The following ADTRP variants were observed in gnomAD, a reference collection of about 807,000 sequenced individuals.
ADTRP encodes the protein androgen-dependent TFPI-regulating protein.
In ADTRP, 20 loss-of-function variants were observed where a neutral mutation model predicts 27.0. That is an observed-to-expected ratio of 0.74 (90% CI 0.52 to 1.08). ADTRP has a LOEUF of 1.08. Among genes scored for constraint, ADTRP ranks in the 50% least tolerant of loss-of-function variants. The pLI is 0.00. For missense variants in ADTRP, 251 were observed against 275.0 expected, an observed-to-expected ratio of 0.91 and a Z score of 0.62; for synonymous variants, 101 against 105.2, an observed-to-expected ratio of 0.96 and a Z score of 0.25.
chr6:11,765,957 C>T (rs1016529543), intron 3 of ADTRP, among the ~76,000 whole-genome samples: 3 of 152,000 alleles, frequency 2.0e-5, no homozygotes, highest in South Asian at 2.1e-4. Flanking sequence ...ATCCACACAT[C>T]GGAAGTTTAT....
Position 11,714,213 on chromosome 6 carries a change from A to G in ADTRP, c.*265T>C, listed in dbSNP as rs1761734537. Reference sequence around the variant, plus strand: ...GAGTTTCTTTGGCCAGATTTTAACCAGAGACCATCCTCCACGAAGGTCAAA... The same window carrying G: ...GAGTTTCTTTGGCCAGATTTTAACCGGAGACCATCCTCCACGAAGGTCAAA... On this transcript the variant is annotated 3_prime_UTR_variant, in exon 6 of 6. Transcript: ENST00000414691. 3 of 444,202 alleles carry G rather than the reference A, an allele frequency of 6.8e-6. No homozygotes were observed. In the Admixed American group the frequency reaches 1.2e-4, roughly 17 times the overall value. 27.5% of individuals were successfully genotyped at this position (444,202 alleles called of 1,614,324 possible). A position where few individuals can be genotyped will look rare whatever the true frequency, so the allele number is the denominator to read the frequency against.
At chr6:11,757,715 T>C (rs532145139) in intron 3 of ADTRP, among the ~76,000 whole-genome samples, 1 of 152,284 alleles carries the variant, frequency 6.6e-6, no homozygotes, top group African/African-American at 2.4e-5. Context: ...GGAAATGTCA[T>C]GTGATGACAG....
chr6:11,732,179 C>A (rs557352120), intron 4 of ADTRP, among the ~76,000 whole-genome samples: 1 of 152,150 alleles, frequency 6.6e-6, no homozygotes, highest in African/African-American at 2.4e-5. Flanking sequence ...CTAAAAGCAA[C>A]CACCACATGT....
chr6:11,721,673 G>A (rs115538885), intron 5 of ADTRP, among the ~76,000 whole-genome samples: 24 of 152,080 alleles, frequency 1.6e-4, no homozygotes, highest in African/African-American at 5.5e-4. Context: ...ATTTACAATC[G>A]TCTCTTTCTA....
At chr6:11,762,357 G>A (rs1028311972) in intron 3 of ADTRP, among the ~76,000 whole-genome samples, 7 of 152,154 alleles carry the variant, frequency 4.6e-5, no homozygotes, top group Non-Finnish European at 8.8e-5. Context: ...TTTCAACTTC[G>A]TGTGTGTACA....
chr6:11,773,954 T>C (rs141445591), intron 1 of ADTRP, among the ~76,000 whole-genome samples: 285 of 152,352 alleles, frequency 1.9e-3, no homozygotes, highest in African/African-American at 6.3e-3. Flanking sequence ...CTTTCAGCTA[T>C]TGAAGTGCAT....
rs533511086 is a variant in ADTRP at position 11,755,076 on chromosome 6, G to T, written c.390+11198C>A. The T allele has an allele frequency of 1.5e-5, 15 of 985,340 alleles. 1 individual carries two copies. The South Asian group carries it at 6.1e-4, about 40-fold the overall frequency. The allele number at this position is 985,340 out of a possible 1,614,324, so 61.0% of individuals were successfully genotyped here. A position where few individuals can be genotyped will look rare whatever the true frequency, so the allele number is the denominator to read the frequency against. The stretch of plus-strand genomic sequence containing the variant: ...AGCATCAAGTCATTCTTCCCGTTGG[G>T]GTGTTACACATGGTTGCCAAGGATG... On this transcript the variant is annotated intron_variant, in intron 3 of 5. Transcript: ENST00000414691.
At chr6:11,778,301 C>T (rs1764024857) in intron 1 of ADTRP, among the ~76,000 whole-genome samples, 1 of 152,180 alleles carries the variant, frequency 6.6e-6, no homozygotes, top group African/African-American at 2.4e-5. Flanking sequence ...TAGTTAATCC[C>T]ATGGTGAAAC....
intron 3 of ADTRP, among the ~76,000 whole-genome samples, chr6:11,756,484 T>G (rs1763217836): frequency 6.6e-6 from 1 of 152,128 alleles, no homozygotes; most frequent in Non-Finnish European, 1.5e-5. Context: ...AAAAATGCAT[T>G]GAGATGTTAC....
chr6:11,729,400 GA>G (rs1347296746), intron 4 of ADTRP, among the ~76,000 whole-genome samples: 2 of 152,114 alleles, frequency 1.3e-5, no homozygotes, highest in African/African-American at 4.8e-5. Context: ...CTTCCAGTTT[GA>G]AGCCTCTCTG....
intron 3 of ADTRP, among the ~76,000 whole-genome samples, chr6:11,753,012 C>T (rs1417700200): frequency 2.0e-5 from 3 of 152,134 alleles, no homozygotes; most frequent in Middle Eastern, 6.3e-3. Context: ...ACATACTTTG[C>T]CTGTTTAAAG....
intron 2 of ADTRP, 31 bp downstream of exon 2, chr6:11,768,218 G>A (rs781365180): frequency 6.2e-7 from 1 of 1,612,504 alleles, no homozygotes; most frequent in South Asian, 1.1e-5. Context: ...GCACATTTCT[G>A]TTAGATTATG....
chr6:11,736,220 AACAC>A (rs35684305), intron 3 of ADTRP: 8,594 of 159,480 alleles, frequency 0.054, 299 homozygotes, highest in African/African-American at 0.064. Context: ...CCTCTCCTAA[AACAC>A]ACACACACAC....
At chr6:11,771,539 T>G (rs1473353512) in intron 1 of ADTRP, among the ~76,000 whole-genome samples, 1 of 151,938 alleles carries the variant, frequency 6.6e-6, no homozygotes, top group Non-Finnish European at 1.5e-5. Context: ...ACCCGAACGG[T>G]CTGCTTATTC....
At chr6:11,764,698 C>T (rs1391487296) in intron 3 of ADTRP, among the ~76,000 whole-genome samples, 3 of 152,068 alleles carry the variant, frequency 2.0e-5, no homozygotes, top group Admixed American at 6.6e-5. Context: ...GCATTAGCCT[C>T]GGATTTCCAT....
rs55961408 is a variant in ADTRP at position 11,715,806 on chromosome 6, C to CTTTTTTTTTTTTTTTT, written c.659-1310_659-1295dup. Among the ~76,000 whole-genome samples, 5 of 77,700 alleles carry CTTTTTTTTTTTTTTTT rather than the reference C, an allele frequency of 6.4e-5. 1 individual carries two copies. Among genetic ancestry groups the CTTTTTTTTTTTTTTTT allele is most frequent in the Non-Finnish European group, 1.1e-4 (5 of 45,558 alleles). The allele number at this position is 77,700 out of a possible 152,430, so 51.0% of individuals were successfully genotyped here. A position where few individuals can be genotyped will look rare whatever the true frequency, so the allele number is the denominator to read the frequency against. On this transcript the variant is annotated intron_variant, in intron 5 of 5. Coordinates refer to ENST00000414691, the MANE Select transcript of ADTRP (RefSeq NM_032744.4). ...TAGAGGTGCACACCACCATGCCCAGCTTTTTTTTTTTTTTTTTTTTTTTTT... is the reference window on the plus strand; with the variant it reads ...TAGAGGTGCACACCACCATGCCCAGCTTTTTTTTTTTTTTTTTTTTTTTTTTTTTTTTTTTTTTTTT...
chr6:11,767,426 C>A (rs1334620079), intron 2 of ADTRP, among the ~76,000 whole-genome samples: 1 of 152,180 alleles, frequency 6.6e-6, no homozygotes, highest in Non-Finnish European at 1.5e-5. Flanking sequence ...TAATAGGTAT[C>A]CTTGCTTTGT....
chr6:11,715,453 G>A (rs1313219583), intron 5 of ADTRP, among the ~76,000 whole-genome samples: 1 of 152,112 alleles, frequency 6.6e-6, no homozygotes, highest in Non-Finnish European at 1.5e-5. Flanking sequence ...GCCACCTCTT[G>A]ATCATGCAGT....
At chr6:11,763,991 T>A (rs1411488047) in intron 3 of ADTRP, among the ~76,000 whole-genome samples, 3 of 152,220 alleles carry the variant, frequency 2.0e-5, no homozygotes, top group Non-Finnish European at 4.4e-5. Context: ...CATCTGTATA[T>A]GACCTGGGGT....
Sources: allele counts gnomAD v4.1 joint callset (sites outside exome capture counted in the v4.1 genomes callset), GRCh38; gene constraint gnomAD v4.1.1; transcripts MANE v1.5; gene names NCBI Gene and HGNC (gene_info 2026-07-23, HGNC 2026-07-21).